The following FARS2 variants were observed in gnomAD, a reference collection of about 807,000 sequenced individuals.
FARS2 encodes phenylalanine--tRNA ligase, mitochondrial.
A neutral mutation model predicts 46.4 loss-of-function variants in FARS2; 40 were observed. The ratio of observed to expected loss-of-function variants is 0.86; its 90% CI spans 0.67 to 1.12. FARS2 has a LOEUF of 1.12. Ranked by LOEUF, FARS2 falls within the 50% of genes most tolerant of loss-of-function variation. The pLI is 0.00. For synonymous variants in FARS2, 234 were observed against 214.9 expected, an observed-to-expected ratio of 1.09 and a Z score of -0.78; for missense variants, 513 against 567.9, an observed-to-expected ratio of 0.90 and a Z score of 0.98.
intron 1 of FARS2, among the ~76,000 whole-genome samples, chr6:5,265,954 G>A (rs574994771): frequency 6.6e-6 from 1 of 152,264 alleles, no homozygotes; most frequent in Admixed American, 6.5e-5. Flanking sequence ...TTCTCTCCAT[G>A]ATTGGGTAGA....
chr6:5,552,948 A>G (rs1771452772), intron 5 of FARS2, among the ~76,000 whole-genome samples: 1 of 152,196 alleles, frequency 6.6e-6, no homozygotes, highest in African/African-American at 2.4e-5. Flanking sequence ...TAAAACTTTA[A>G]TTTATACTTT....
chr6:5,508,051 T>A (rs1416302622), intron 4 of FARS2, among the ~76,000 whole-genome samples: 1 of 152,238 alleles, frequency 6.6e-6, no homozygotes, highest in Non-Finnish European at 1.5e-5. Context: ...GGTATGCTTC[T>A]ATGTTTCACA....
intron 6 of FARS2, among the ~76,000 whole-genome samples, chr6:5,762,068 A>G (rs1224627539): frequency 6.6e-6 from 1 of 152,194 alleles, no homozygotes; most frequent in Non-Finnish European, 1.5e-5. Flanking sequence ...ATGTTGTAGC[A>G]TGTATCATAT....
chr6:5,332,032 G>C (rs1416301853), intron 1 of FARS2, among the ~76,000 whole-genome samples: 2 of 152,130 alleles, frequency 1.3e-5, no homozygotes, highest in East Asian at 3.8e-4. Context: ...GAAAGTCAAT[G>C]AAATAGATAT....
intron 6 of FARS2, among the ~76,000 whole-genome samples, chr6:5,636,626 G>C (rs1225710393): frequency 6.6e-6 from 1 of 152,222 alleles, no homozygotes. Flanking sequence ...CCTTCAGAGG[G>C]AGGCAGAGAA....
intron 6 of FARS2, among the ~76,000 whole-genome samples, chr6:5,723,141 G>A (rs933144047): frequency 1.6e-4 from 24 of 152,054 alleles, no homozygotes; most frequent in African/African-American, 5.1e-4. Flanking sequence ...ATTAAGTAAG[G>A]GTGAGTGAGT....
At chr6:5,481,968 T>C (rs929388567) in intron 4 of FARS2, among the ~76,000 whole-genome samples, 7 of 152,146 alleles carry the variant, frequency 4.6e-5, no homozygotes, top group Non-Finnish European at 1.0e-4. Flanking sequence ...CATGAATCGG[T>C]TCATCAGAGG....
chr6:5,545,183 G>C lies in FARS2; in HGVS notation c.908G>C (p.Gly303Ala). The C allele has an allele frequency of 6.2e-7, 1 of 1,613,756 alleles. No individual in the cohort carries two copies. The change falls in exon 5 of 7, where the codon GGT (glycine) becomes GCT (alanine). Residue 303 changes from glycine to alanine, a missense_variant. Gly to Ala is a moderately conservative substitution (Grantham distance 60). Coordinates refer to ENST00000274680, the MANE Select transcript of FARS2 (RefSeq NM_006567.5). ...CTATTTTGTTTCCTAATCACAGCTGGTGCTCAAGACCGAATCGGCTGGGCT... is the reference window on the plus strand; with the variant it reads ...CTATTTTGTTTCCTAATCACAGCTGCTGCTCAAGACCGAATCGGCTGGGCT... ...VMEQQLVNSA[G>A]AQDRIGWAFG...
intron 4 of FARS2, among the ~76,000 whole-genome samples, chr6:5,484,839 G>A (rs899238558): frequency 3.3e-5 from 5 of 152,184 alleles, no homozygotes; most frequent in South Asian, 2.1e-4. Flanking sequence ...TCCTTAGTGC[G>A]TGCAGCTGAA....
rs1177632673 is a variant in FARS2, at chr6:5,341,214, TATATATATATATATATATA to T, written c.-21-27335_-21-27317del. 3.0e-3 allele frequency among the ~76,000 whole-genome samples: 28 copies of T among 9,222 alleles called. 2 individuals carry two copies. The highest frequency in any genetic ancestry group is 3.5e-3 in the Non-Finnish European group (16 of 4,576). 6.0% of individuals were successfully genotyped at this position (9,222 alleles called of 152,430 possible). On this transcript the variant is annotated intron_variant, in intron 1 of 6. Coordinates refer to ENST00000274680, the MANE Select transcript of FARS2 (RefSeq NM_006567.5). ...ATATATATATATATATATATATATATATATATATATATATATATATATTTTTTTTTTTTTTTTTTTTTTC... is the reference window on the plus strand; with the variant it reads ...ATATATATATATATATATATATATATTATTTTTTTTTTTTTTTTTTTTTTC...
rs139502635 is a variant in FARS2, at chr6:5,547,791, G to A, written c.1065+2451G>A. ...TTATTCCAACAAAATGTCTTTGCCA[G>A]TAGCAGGCTAGCTCTTCTGCCTACT... On this transcript the variant is annotated intron_variant, in intron 5 of 6. Transcript: ENST00000274680. Among the ~76,000 whole-genome samples, 222 of 152,354 alleles carry A rather than the reference G, an allele frequency of 1.5e-3. 1 individual carries two copies. The East Asian group carries it at 0.029, about 20-fold the overall frequency.
At chr6:5,758,338 T>A (rs1179842126) in intron 6 of FARS2, among the ~76,000 whole-genome samples, 1 of 152,240 alleles carries the variant, frequency 6.6e-6, no homozygotes, top group Non-Finnish European at 1.5e-5. Flanking sequence ...CAATTTTGGC[T>A]CTAAATGTTG....
At chr6:5,670,969 C>CAGTG (rs1210634590) in intron 6 of FARS2, among the ~76,000 whole-genome samples, 58 of 152,182 alleles carry the variant, frequency 3.8e-4, no homozygotes, top group Non-Finnish European at 6.3e-4. Context: ...CAGTCTATGC[C>CAGTG]TGACTGTATA....
At chr6:5,681,167 C>T (rs1487718151) in intron 6 of FARS2, among the ~76,000 whole-genome samples, 1 of 152,198 alleles carries the variant, frequency 6.6e-6, no homozygotes, top group African/African-American at 2.4e-5. Flanking sequence ...AAGATGTCTG[C>T]ATTCTTCTTT....
At chr6:5,732,956 C>T (rs577112918) in intron 6 of FARS2, among the ~76,000 whole-genome samples, 2 of 152,202 alleles carry the variant, frequency 1.3e-5, no homozygotes, top group Non-Finnish European at 2.9e-5. Flanking sequence ...AGGAGACAGT[C>T]CTGGCCCCAA....
intron 1 of FARS2, among the ~76,000 whole-genome samples, chr6:5,303,775 T>C (rs73718059): frequency 0.013 from 2,050 of 152,136 alleles, 39 homozygotes; most frequent in African/African-American, 0.047. Flanking sequence ...CTCAAATAAA[T>C]TTTTTAAATG....
chr6:5,343,244 T>A lies in FARS2; in HGVS notation c.-21-25306T>A, dbSNP rs1257852436. ...TATTTATTTAGAGATGGAATTTCGC[T>A]CTCGTTGCCCAGGCTGGAGTGCAGT... On this transcript the variant is annotated intron_variant, in intron 1 of 6. Coordinates refer to ENST00000274680, the MANE Select transcript of FARS2 (RefSeq NM_006567.5). This position sits in a 1 kb window ranked among gnomAD's most constrained non-coding sequence, Gnocchi z 4.5. Among the ~76,000 whole-genome samples, 1 of 152,170 alleles carries A rather than the reference T, an allele frequency of 6.6e-6. No homozygotes were observed. The highest frequency in any genetic ancestry group is 1.5e-5 in the Non-Finnish European group (1 of 68,012).
chr6:5,646,551 T>C (rs1356536634), intron 6 of FARS2, among the ~76,000 whole-genome samples: 2 of 152,156 alleles, frequency 1.3e-5, no homozygotes, highest in Admixed American at 1.3e-4. Flanking sequence ...AGGGTGTGGA[T>C]TATGAATCTG....
intron 5 of FARS2, among the ~76,000 whole-genome samples, chr6:5,578,188 C>T (rs1773099729): frequency 6.6e-6 from 1 of 152,086 alleles, no homozygotes; most frequent in Admixed American, 6.5e-5. Flanking sequence ...TGGTTAAGCC[C>T]TCTTGTGTCT....
Sources: gnomAD v4.1 joint callset for allele counts (sites outside exome capture counted in the v4.1 genomes callset) on GRCh38, gnomAD v4.1.1 for gene constraint, Gnocchi (gnomAD v3.1) non-coding constraint, MANE v1.5 for transcripts, NCBI Gene and HGNC (gene_info 2026-07-23, HGNC 2026-07-21) for gene names.